CACNA1D: variants seen among roughly 807,000 people sequenced by gnomAD.
The protein encoded by CACNA1D is calcium voltage-gated channel subunit alpha1 D, also known as voltage-dependent L-type calcium channel subunit alpha-1D.
Under a neutral mutation model 257.1 loss-of-function variants are expected in CACNA1D, and 55 were observed. The observed-to-expected ratio is 0.21, with a 90% CI of 0.17 to 0.27. The LOEUF (loss-of-function observed/expected upper bound fraction) is 0.27, where lower values mean the gene tolerates loss of function less well. Among genes scored for constraint, CACNA1D ranks in the 10% least tolerant of loss-of-function variants. The pLI, the probability that CACNA1D is intolerant of heterozygous loss-of-function variation, is 1.00. For synonymous variants in CACNA1D, 980 were observed against 1,014.9 expected (o/e 0.97, Z 0.65); for missense variants, 1,876 against 2,784.0 (o/e 0.67, Z 7.34).
chr3:53,628,973 C>A (rs1030079522), intron 3 of CACNA1D, among the ~76,000 whole-genome samples: 1 of 152,204 alleles, frequency 6.6e-6, no homozygotes, highest in Admixed American at 6.5e-5. Flanking sequence ...AGCATTCTAT[C>A]TCATGAGCAC....
In CACNA1D at chr3:53,637,941, C is replaced by T. The variant is rs3774499; in HGVS notation, c.484-12838C>T. Among the ~76,000 whole-genome samples, 666 of 152,230 alleles carry T rather than the reference C, an allele frequency of 4.4e-3. 26 individuals carry two copies. The East Asian group carries it at 0.085, about 19-fold the overall frequency. ...TAATCTTCTGTGTAAATATCTCAAACGCTGTGTCTTAATTATAGACTCCAT... is the reference window on the plus strand; with the variant it reads ...TAATCTTCTGTGTAAATATCTCAAATGCTGTGTCTTAATTATAGACTCCAT... On this transcript the variant is annotated intron_variant, in intron 3 of 47. Coordinates refer to ENST00000350061, the MANE Select transcript of CACNA1D (RefSeq NM_001128840.3).
At chr3:53,626,169 C>T (rs1469923365) in intron 3 of CACNA1D, among the ~76,000 whole-genome samples, 1 of 152,138 alleles carries the variant, frequency 6.6e-6, no homozygotes, top group African/African-American at 2.4e-5. Context: ...TCTGGACTCC[C>T]ACTGGTGTAG....
chr3:53,539,202 C>T (rs567602251), intron 3 of CACNA1D, among the ~76,000 whole-genome samples: 12 of 152,172 alleles, frequency 7.9e-5, no homozygotes, highest in African/African-American at 2.4e-4. Context: ...CTCCGCCTCC[C>T]GGGTTCAAGC....
intron 3 of CACNA1D, among the ~76,000 whole-genome samples, chr3:53,544,459 C>G (rs994755387): frequency 7.9e-5 from 12 of 152,096 alleles, no homozygotes; most frequent in South Asian, 2.1e-4. Flanking sequence ...CAGATGAAAA[C>G]CTGCAAATCT....
At chr3:53,724,320 T>C (rs900356570) in intron 14 of CACNA1D, among the ~76,000 whole-genome samples, 1 of 152,270 alleles carries the variant, frequency 6.6e-6, no homozygotes, top group South Asian at 2.1e-4. Context: ...AAATAGACTC[T>C]AAAATTCTTT....
Position 53,795,051 on chromosome 3 carries a change from C to T in CACNA1D, c.4924-5198C>T, listed in dbSNP as rs749132202. Among the ~76,000 whole-genome samples, 10 of 152,328 alleles carry T rather than the reference C, an allele frequency of 6.6e-5. No homozygotes were observed. The East Asian group carries it at 1.5e-3, about 24-fold the overall frequency. ...CCCTTCCCAGTCTCAGCCCACTCCCCGGAGGCATGGAGCTGCCTGTGTCCC... is the reference window on the plus strand; with the variant it reads ...CCCTTCCCAGTCTCAGCCCACTCCCTGGAGGCATGGAGCTGCCTGTGTCCC... On this transcript the variant is annotated intron_variant, in intron 40 of 47. Transcript: ENST00000350061.
chr3:53,641,540 G>A (rs967538315), intron 3 of CACNA1D, among the ~76,000 whole-genome samples: 3 of 152,142 alleles, frequency 2.0e-5, no homozygotes, highest in African/African-American at 7.2e-5. Context: ...ACTGCCAGGC[G>A]AGATGGGATG....
intron 3 of CACNA1D, among the ~76,000 whole-genome samples, chr3:53,549,335 A>G (rs1006473455): frequency 6.6e-6 from 1 of 152,216 alleles, no homozygotes; most frequent in Admixed American, 6.5e-5. Context: ...AATGATTTCC[A>G]TATGAATTTG....
Position 53,800,395 on chromosome 3 carries a change from G to A in CACNA1D, c.5040+30G>A, listed in dbSNP as rs1442116540. On this transcript the variant is annotated intron_variant, in intron 41 of 47. Transcript: ENST00000350061. The surrounding 1 kb of genome is among the most constrained non-coding windows in gnomAD (Gnocchi z 4.3). The stretch of plus-strand genomic sequence containing the variant: ...TTATTCCACGCCTAGCTACACACTG[G>A]CCATCTGGAAATAGCAGGGCAGGAC... 9 of 1,416,450 alleles carry A rather than the reference G, an allele frequency of 6.4e-6. No individual in the cohort carries two copies. Among genetic ancestry groups the A allele is most frequent in the Non-Finnish European group, 9.0e-6 (9 of 999,540 alleles). 87.7% of individuals were successfully genotyped at this position (1,416,450 alleles called of 1,614,324 possible). A position where few individuals can be genotyped will look rare whatever the true frequency, so the allele number is the denominator to read the frequency against.
At chr3:53,597,890 T>G (rs1262645244) in intron 3 of CACNA1D, among the ~76,000 whole-genome samples, 1 of 152,234 alleles carries the variant, frequency 6.6e-6, no homozygotes, top group Non-Finnish European at 1.5e-5. Flanking sequence ...ATTAGGTTGG[T>G]GCAAAAGTAA....
chr3:53,803,676 A>T, intron 44 of CACNA1D, 104 bp downstream of exon 44: 1 of 1,141,034 alleles, frequency 8.8e-7, no homozygotes. Flanking sequence ...GGCTTCCCCT[A>T]AAAAGCAAAA....
intron 3 of CACNA1D, among the ~76,000 whole-genome samples, chr3:53,534,547 A>G (rs1223892238): frequency 1.3e-5 from 2 of 151,912 alleles, no homozygotes; most frequent in African/African-American, 2.4e-5. Flanking sequence ...GTGCCCCTCA[A>G]CCTCATGGAC....
chr3:53,662,415 G>A (rs1156754220), intron 5 of CACNA1D, among the ~76,000 whole-genome samples: 2 of 152,118 alleles, frequency 1.3e-5, no homozygotes, highest in East Asian at 3.9e-4. Context: ...CTACTGTGCT[G>A]CTCACTGTTT....
chr3:53,535,219 G>C (rs1473212643), intron 3 of CACNA1D, among the ~76,000 whole-genome samples: 1 of 152,144 alleles, frequency 6.6e-6, no homozygotes, highest in South Asian at 2.1e-4. Context: ...TTGAGCCTGG[G>C]CACTCTCCCC....
chr3:53,604,514 C>G lies in CACNA1D; in HGVS notation c.484-46265C>G, dbSNP rs181347811. Among the ~76,000 whole-genome samples the G allele has an allele frequency of 1.7e-3, 255 of 152,280 alleles. 1 individual carries two copies. The highest frequency in any genetic ancestry group is 5.7e-3 in the African/African-American group (238 of 41,562). ...AGAAGGCATTGAACACCTCCCCACCCACCCCTGCCCTGCACTTCTCCCTGT... is the reference window on the plus strand; with the variant it reads ...AGAAGGCATTGAACACCTCCCCACCGACCCCTGCCCTGCACTTCTCCCTGT... On this transcript the variant is annotated intron_variant, in intron 3 of 47. Transcript: ENST00000350061.
chr3:53,656,734 A>G (rs902843450), intron 4 of CACNA1D, among the ~76,000 whole-genome samples: 3 of 152,218 alleles, frequency 2.0e-5, no homozygotes, highest in Admixed American at 2.0e-4. Flanking sequence ...AACCCAATAA[A>G]CAAATAGGTA....
chr3:53,559,615 A>G (rs958882524), intron 3 of CACNA1D, among the ~76,000 whole-genome samples: 5 of 152,160 alleles, frequency 3.3e-5, no homozygotes, highest in Admixed American at 1.3e-4. Context: ...GACCTGGGCA[A>G]TGATATCCTA....
chr3:53,551,482 C>T (rs1435650490), intron 3 of CACNA1D, among the ~76,000 whole-genome samples: 2 of 152,236 alleles, frequency 1.3e-5, no homozygotes, highest in African/African-American at 4.8e-5. Flanking sequence ...ACCCGACCTT[C>T]GTCTTGTACC....
chr3:53,771,082 G>A (rs984509711), intron 32 of CACNA1D, among the ~76,000 whole-genome samples: 1 of 152,182 alleles, frequency 6.6e-6, no homozygotes, highest in Non-Finnish European at 1.5e-5. Context: ...TGTCACCTCT[G>A]ATTCTCCAGG....
Sources: allele counts gnomAD v4.1 joint callset (sites outside exome capture counted in the v4.1 genomes callset), GRCh38; gene constraint gnomAD v4.1.1; non-coding constraint Gnocchi (gnomAD v3.1); transcripts MANE v1.5; gene names NCBI Gene and HGNC (gene_info 2026-07-23, HGNC 2026-07-21).